Variants in DPT observed in about 807,000 individuals in gnomAD.
DPT encodes tyrosine-rich acidic matrix protein.
In DPT, 21 loss-of-function variants were observed where a neutral mutation model predicts 31.2. The observed-to-expected ratio is 0.67, with a 90% CI of 0.48 to 0.97. The LOEUF (loss-of-function observed/expected upper bound fraction) is 0.97. Ranked by LOEUF, DPT falls within the 50% of genes least tolerant of loss-of-function variation. The pLI, the probability that DPT is intolerant of heterozygous loss-of-function variation, is 0.00. For synonymous variants in DPT, 91 were observed against 86.9 expected (o/e 1.05, Z -0.26); for missense variants, 262 against 258.8 (o/e 1.01, Z -0.08).
At chr1:168,698,662 C>T (rs982416951) in intron 3 of DPT, among the ~76,000 whole-genome samples, 2 of 151,964 alleles carry the variant, frequency 1.3e-5, no homozygotes, top group Non-Finnish European at 2.9e-5. Context: ...GGGTGGGGTG[C>T]TAATGGCATC....
Position 168,716,826 on chromosome 1 carries a change from T to A in DPT, c.306-2480A>T, listed in dbSNP as rs569366523. 5.3e-5 allele frequency among the ~76,000 whole-genome samples: 8 copies of A among 152,332 alleles called. No homozygotes were observed. The South Asian group carries it at 1.7e-3, about 32-fold the overall frequency. On this transcript the variant is annotated intron_variant, in intron 1 of 3. Transcript: ENST00000367817. ...ACTGTTTGGTTTTCTGTTCCTGTGTTAGTTTGCTGAGGATGATGGCTTCTA... is the reference window on the plus strand; with the variant it reads ...ACTGTTTGGTTTTCTGTTCCTGTGTAAGTTTGCTGAGGATGATGGCTTCTA...
At chr1:168,701,222 A>C in intron 2 of DPT, 98 bp from the exon 3 acceptor site, 1 of 904,776 alleles carries the variant, frequency 1.1e-6, no homozygotes, top group Admixed American at 1.9e-5. Flanking sequence ...GAGTTTGAGC[A>C]TCCTGGCAAA....
chr1:168,715,105 C>G (rs974913928), intron 1 of DPT, among the ~76,000 whole-genome samples: 5 of 152,224 alleles, frequency 3.3e-5, no homozygotes, highest in Non-Finnish European at 5.9e-5. Flanking sequence ...CTAAAGATCC[C>G]TTTCCTGTCC....
intron 1 of DPT, 51 bp from the exon 2 acceptor site, chr1:168,714,397 C>T: frequency 8.1e-6 from 13 of 1,609,324 alleles, no homozygotes; most frequent in Non-Finnish European, 1.1e-5. Context: ...CATACACAGA[C>T]CCCTTCCCAA....
intron 2 of DPT, among the ~76,000 whole-genome samples, chr1:168,710,638 G>T (rs540994357): frequency 6.6e-6 from 1 of 151,994 alleles, no homozygotes; most frequent in Non-Finnish European, 1.5e-5. Flanking sequence ...TACATTTTTA[G>T]CATCTTAGCT....
intron 1 of DPT, among the ~76,000 whole-genome samples, chr1:168,724,518 T>A (rs1650193109): frequency 6.6e-6 from 1 of 152,186 alleles, no homozygotes; most frequent in Non-Finnish European, 1.5e-5. Context: ...TTCATGAAGC[T>A]TATATTTTAG....
chr1:168,725,059 T>C (rs1650207937), intron 1 of DPT, among the ~76,000 whole-genome samples: 2 of 152,256 alleles, frequency 1.3e-5, no homozygotes, highest in African/African-American at 4.8e-5. Context: ...AAACTTTTAC[T>C]ACCTGCCCAT....
chr1:168,727,622 C>T (rs1007881491), intron 1 of DPT, among the ~76,000 whole-genome samples: 6 of 151,106 alleles, frequency 4.0e-5, no homozygotes, highest in Non-Finnish European at 4.4e-5. Context: ...ACTGCAGCCT[C>T]GACTCCCTGG....
intron 3 of DPT, among the ~76,000 whole-genome samples, chr1:168,697,136 T>C (rs559201965): frequency 6.6e-6 from 1 of 151,948 alleles, no homozygotes; most frequent in Non-Finnish European, 1.5e-5. Context: ...TGGTGGTGCA[T>C]GCCTGTAGTC....
At chr1:168,708,075 T>C (rs929405144) in intron 2 of DPT, among the ~76,000 whole-genome samples, 1 of 152,230 alleles carries the variant, frequency 6.6e-6, no homozygotes, top group Non-Finnish European at 1.5e-5. Flanking sequence ...TCCTCCTGTT[T>C]ACTTTAAATC....
At chr1:168,706,022 C>T (rs113304925) in intron 2 of DPT, among the ~76,000 whole-genome samples, 241 of 152,336 alleles carry the variant, frequency 1.6e-3, no homozygotes, top group African/African-American at 5.5e-3. Context: ...CTCCATTAAA[C>T]CTCTTTCTTT....
intron 2 of DPT, among the ~76,000 whole-genome samples, chr1:168,703,153 G>A (rs909239723): frequency 1.3e-5 from 2 of 152,188 alleles, no homozygotes; most frequent in Non-Finnish European, 2.9e-5. Flanking sequence ...TGGATACAAT[G>A]TGTAAAAATT....
At chr1:168,728,686 T>A (rs1650304660) in intron 1 of DPT, among the ~76,000 whole-genome samples, 184 bp downstream of exon 1, 1 of 152,150 alleles carries the variant, frequency 6.6e-6, no homozygotes, top group South Asian at 2.1e-4. Flanking sequence ...TCCCAGGTTT[T>A]TGTCCTGTCA....
intron 1 of DPT, among the ~76,000 whole-genome samples, chr1:168,718,687 C>T (rs944218837): frequency 1.3e-5 from 2 of 152,164 alleles, no homozygotes; most frequent in African/African-American, 2.4e-5. Flanking sequence ...GGGTTTCGTG[C>T]CCTCTAATAG....
intron 2 of DPT, among the ~76,000 whole-genome samples, chr1:168,702,247 TCTC>T (rs577101888): frequency 6.6e-6 from 1 of 152,208 alleles, no homozygotes; most frequent in South Asian, 2.1e-4. Context: ...AGAAAGATCT[TCTC>T]CTCTGCAGAC....
At chr1:168,702,018 T>A (rs985136090) in intron 2 of DPT, among the ~76,000 whole-genome samples, 3 of 151,460 alleles carry the variant, frequency 2.0e-5, no homozygotes, top group Non-Finnish European at 2.9e-5. Flanking sequence ...TTCATATGAG[T>A]AGGTCCATGG....
At chr1:168,705,207 C>T (rs955396024) in intron 2 of DPT, among the ~76,000 whole-genome samples, 6 of 152,156 alleles carry the variant, frequency 3.9e-5, no homozygotes, top group Non-Finnish European at 7.3e-5. Context: ...TCTACGAGAC[C>T]TTATTCGGAG....
chr1:168,722,331 CA>C (rs1650134727), intron 1 of DPT, among the ~76,000 whole-genome samples: 1 of 152,154 alleles, frequency 6.6e-6, no homozygotes, highest in Non-Finnish European at 1.5e-5. Flanking sequence ...GTTCCAAAAG[CA>C]AAATGATATA....
chr1:168,710,657 G>A lies in DPT; in HGVS notation c.431+3564C>T, dbSNP rs530575940. Reference sequence around the variant, plus strand: ...TTTTTAGCATCTTAGCTGGTGAATTGCATCTAAGGGAGCTTGAGAAGCCTT... The same window carrying A: ...TTTTTAGCATCTTAGCTGGTGAATTACATCTAAGGGAGCTTGAGAAGCCTT... On this transcript the variant is annotated intron_variant, in intron 2 of 3. Transcript: ENST00000367817. Among the ~76,000 whole-genome samples, 6 of 152,234 alleles carry A rather than the reference G, an allele frequency of 3.9e-5. No individual in the cohort carries two copies. The South Asian group carries it at 8.3e-4, about 21-fold the overall frequency.
Sources: allele counts gnomAD v4.1 joint callset (sites outside exome capture counted in the v4.1 genomes callset), GRCh38; gene constraint gnomAD v4.1.1; transcripts MANE v1.5; gene names NCBI Gene and HGNC (gene_info 2026-07-23, HGNC 2026-07-21).